The following SNX30 variants were observed in gnomAD, a reference collection of about 807,000 sequenced individuals.
SNX30 encodes the protein sorting nexin-30.
SNX30 carries 24 observed loss-of-function variants against 46.4 expected under a neutral mutation model. The observed-to-expected ratio is 0.52, with a 90% CI of 0.37 to 0.73. SNX30 has a LOEUF of 0.73. Ranked by LOEUF, SNX30 falls within the 30% of genes least tolerant of loss-of-function variation. The pLI, the probability that SNX30 is intolerant of heterozygous loss-of-function variation, is 0.00. For synonymous variants in SNX30, 189 were observed against 211.5 expected, an observed-to-expected ratio of 0.89 and a Z score of 0.92; for missense variants, 533 against 555.7, an observed-to-expected ratio of 0.96 and a Z score of 0.41.
chr9:112,805,537 C>G (rs1840212624), intron 2 of SNX30, among the ~76,000 whole-genome samples: 1 of 152,186 alleles, frequency 6.6e-6, no homozygotes, highest in Non-Finnish European at 1.5e-5. Flanking sequence ...GGTGTGATCT[C>G]AGCCCACTGC....
chr9:112,761,959 A>G (rs765199914), intron 1 of SNX30, among the ~76,000 whole-genome samples: 12 of 152,184 alleles, frequency 7.9e-5, no homozygotes, highest in South Asian at 2.1e-4. Flanking sequence ...AGTAGGGGGT[A>G]GGATGTCATC....
chr9:112,811,600 C>T lies in SNX30; in HGVS notation c.349-6105C>T, dbSNP rs552271930. 1.1e-4 allele frequency among the ~76,000 whole-genome samples: 16 copies of T among 152,282 alleles called. No homozygotes were observed. The South Asian group carries it at 2.1e-3, about 20-fold the overall frequency. On this transcript the variant is annotated intron_variant, in intron 2 of 8. Transcript: ENST00000374232. ...AGGGATGTCTGGAGATGACCAGGGA[C>T]GTATCCACGTGGAGTGATGGTGTTA...
intron 8 of SNX30, among the ~76,000 whole-genome samples, chr9:112,864,820 T>C (rs2131506933): frequency 6.6e-6 from 1 of 152,232 alleles, no homozygotes; most frequent in Non-Finnish European, 1.5e-5. Flanking sequence ...GTGAAGCCTA[T>C]AGACCCCTCA....
chr9:112,758,209 C>T (rs1465995309), intron 1 of SNX30, among the ~76,000 whole-genome samples: 1 of 152,178 alleles, frequency 6.6e-6, no homozygotes, highest in Non-Finnish European at 1.5e-5. Context: ...TGTAGACCCA[C>T]CTGCCACCCC....
intron 1 of SNX30, among the ~76,000 whole-genome samples, chr9:112,758,475 G>A (rs915299474): frequency 2.0e-5 from 3 of 152,112 alleles, no homozygotes; most frequent in African/African-American, 7.2e-5. Context: ...GACCACAGAC[G>A]CGCATCACCA....
intron 8 of SNX30, among the ~76,000 whole-genome samples, chr9:112,868,194 A>C (rs1488281632): frequency 6.6e-6 from 1 of 152,198 alleles, no homozygotes; most frequent in South Asian, 2.1e-4. Flanking sequence ...GGTGATAACT[A>C]ATGTAAAGTA....
chr9:112,863,610 AAC>A (rs1841273097), intron 7 of SNX30, among the ~76,000 whole-genome samples: 1 of 152,250 alleles, frequency 6.6e-6, no homozygotes, highest in African/African-American at 2.4e-5. Context: ...ATGCATAAGT[AAC>A]TTTCCTCCTG....
At chr9:112,761,243 A>C (rs1564259193) in intron 1 of SNX30, among the ~76,000 whole-genome samples, 1 of 151,930 alleles carries the variant, frequency 6.6e-6, no homozygotes, top group African/African-American at 2.4e-5. Context: ...ACTCACTGCA[A>C]CCTCCGTCTC....
intron 7 of SNX30, among the ~76,000 whole-genome samples, chr9:112,863,757 A>G (rs1346092107): frequency 2.0e-5 from 3 of 152,192 alleles, no homozygotes; most frequent in Non-Finnish European, 4.4e-5. Flanking sequence ...CAATTCTCTG[A>G]TTAATGAGGA....
intron 1 of SNX30, among the ~76,000 whole-genome samples, chr9:112,772,504 C>T (rs1387634085): frequency 2.6e-5 from 4 of 152,102 alleles, no homozygotes; most frequent in Admixed American, 2.6e-4. Flanking sequence ...CTGTGGTACT[C>T]GTGTGTGCGT....
chr9:112,797,061 T>C (rs10124260), intron 1 of SNX30, among the ~76,000 whole-genome samples: 142,634 of 152,254 alleles, frequency 0.94, 66,893 homozygotes, highest in East Asian at 1. Flanking sequence ...TAGTCTCTGT[T>C]TCCCAGTTAT....
At chr9:112,823,974 G>A (rs543556462) in intron 3 of SNX30, among the ~76,000 whole-genome samples, 30 of 152,282 alleles carry the variant, frequency 2.0e-4, no homozygotes, top group Admixed American at 6.5e-4. Context: ...CTTAGAAGCA[G>A]TATTTTCTAT....
chr9:112,805,413 A>G (rs1344854435), intron 2 of SNX30, among the ~76,000 whole-genome samples: 18 of 152,146 alleles, frequency 1.2e-4, no homozygotes, highest in Admixed American at 1.2e-3. Context: ...TATGTGTCAG[A>G]TAGGTAGTGG....
chr9:112,768,705 A>G (rs181458718), intron 1 of SNX30, among the ~76,000 whole-genome samples: 27 of 121,384 alleles, frequency 2.2e-4, no homozygotes, highest in Middle Eastern at 7.5e-3. Context: ...CGCTTAGGCT[A>G]GAGTGCAATG....
At chr9:112,791,038 T>C (rs907034492) in intron 1 of SNX30, among the ~76,000 whole-genome samples, 2 of 152,196 alleles carry the variant, frequency 1.3e-5, no homozygotes, top group Non-Finnish European at 2.9e-5. Context: ...CACTACATTT[T>C]TTATTGTTTT....
chr9:112,753,242 A>G (rs778155317), intron 1 of SNX30, among the ~76,000 whole-genome samples: 6 of 152,204 alleles, frequency 3.9e-5, no homozygotes, highest in Admixed American at 6.5e-5. Flanking sequence ...TTTACTAATA[A>G]GCACTTGGAA....
At chr9:112,769,186 T>C (rs948823337) in intron 1 of SNX30, among the ~76,000 whole-genome samples, 4 of 152,256 alleles carry the variant, frequency 2.6e-5, no homozygotes, top group African/African-American at 7.2e-5. Context: ...TTTCTGTTTG[T>C]GTCTGTCCTG....
intron 7 of SNX30, among the ~76,000 whole-genome samples, chr9:112,856,496 A>G (rs1841131921): frequency 1.3e-5 from 2 of 150,628 alleles, no homozygotes; most frequent in Admixed American, 6.6e-5. Context: ...TGGTGTGGGA[A>G]GTGTGGAGGT....
In SNX30 at chr9:112,750,825, G is replaced by T; in HGVS notation, c.-177G>T. 1 of 363,026 alleles carries T rather than the reference G, an allele frequency of 2.8e-6. No individual in the cohort carries two copies. Among genetic ancestry groups the T allele is most frequent in the African/African-American group, 2.2e-5 (1 of 45,114 alleles). The allele number at this position is 363,026 out of a possible 1,614,324, so 22.5% of individuals were successfully genotyped here. A position where few individuals can be genotyped will look rare whatever the true frequency, so the allele number is the denominator to read the frequency against. On this transcript the variant is annotated 5_prime_UTR_variant, in exon 1 of 9. Coordinates refer to ENST00000374232, the MANE Select transcript of SNX30 (RefSeq NM_001012994.2). Reference sequence around the variant, plus strand: ...GGAGCGGGGGCGCGCGGCGCGGAGCGGAGCGTCTGAGCGCCGGCAGAGACC... The same window carrying T: ...GGAGCGGGGGCGCGCGGCGCGGAGCTGAGCGTCTGAGCGCCGGCAGAGACC...
Sources: allele counts gnomAD v4.1 joint callset (sites outside exome capture counted in the v4.1 genomes callset), GRCh38; gene constraint gnomAD v4.1.1; transcripts MANE v1.5; gene names NCBI Gene and HGNC (gene_info 2026-07-23, HGNC 2026-07-21).